Variants in DGKB observed in about 807,000 individuals in gnomAD.
DGKB encodes the protein diacylglycerol kinase beta, also known as 90 kDa diacylglycerol kinase.
In DGKB, 67 loss-of-function variants were observed where a neutral mutation model predicts 114.3. The ratio of observed to expected loss-of-function variants is 0.59; its 90% CI spans 0.48 to 0.72. The LOEUF (loss-of-function observed/expected upper bound fraction) is 0.72. Among genes scored for constraint, DGKB ranks in the 30% least tolerant of loss-of-function variants. The pLI is 0.00. For synonymous variants in DGKB, 398 were observed against 323.1 expected (o/e 1.23, Z -2.49); for missense variants, 907 against 975.2 (o/e 0.93, Z 0.93).
intron 5 of DGKB, among the ~76,000 whole-genome samples, chr7:14,730,846 G>A (rs987249600): frequency 6.6e-6 from 1 of 152,138 alleles, no homozygotes; most frequent in African/African-American, 2.4e-5. Flanking sequence ...GAGGATTTAA[G>A]TTTGCTTGAA....
intron 23 of DGKB, among the ~76,000 whole-genome samples, chr7:14,229,589 ATTAT>A (rs1791396009): frequency 6.6e-6 from 1 of 151,986 alleles, no homozygotes; most frequent in African/African-American, 2.4e-5. Flanking sequence ...TGTCTGTAGC[ATTAT>A]TTATTTGTTT....
At chr7:14,342,929 G>A (rs192398281) in intron 22 of DGKB, among the ~76,000 whole-genome samples, 4 of 151,734 alleles carry the variant, frequency 2.6e-5, no homozygotes, top group African/African-American at 9.7e-5. Context: ...TATTGCTGGA[G>A]GTTCTGTTTT....
At chr7:14,239,905 G>A (rs1016434353) in intron 23 of DGKB, among the ~76,000 whole-genome samples, 4 of 151,896 alleles carry the variant, frequency 2.6e-5, no homozygotes, top group African/African-American at 4.8e-5. Context: ...GGACTAATAC[G>A]TATCTATTTT....
At chr7:14,868,768 A>T (rs1033236496) in intron 1 of DGKB, among the ~76,000 whole-genome samples, 10 of 152,130 alleles carry the variant, frequency 6.6e-5, no homozygotes, top group African/African-American at 2.2e-4. Flanking sequence ...CTTCTTAACT[A>T]TAATGTGGGA....
At chr7:14,162,579 G>C (rs932566739) in intron 25 of DGKB, among the ~76,000 whole-genome samples, 5 of 152,096 alleles carry the variant, frequency 3.3e-5, no homozygotes, top group Non-Finnish European at 7.4e-5. Flanking sequence ...GATTATGAGA[G>C]ATATTACTAT....
At chr7:14,260,101 CACACATGA>C (rs1417733496) in intron 23 of DGKB, among the ~76,000 whole-genome samples, 78 of 45,312 alleles carry the variant, frequency 1.7e-3, no homozygotes, top group African/African-American at 0.01. Flanking sequence ...CACACACACA[CACACATGA>C]ACACACACAC....
chr7:14,342,513 T>A (rs1267267764), intron 22 of DGKB, among the ~76,000 whole-genome samples: 8 of 151,956 alleles, frequency 5.3e-5, no homozygotes, highest in Admixed American at 4.6e-4. Context: ...AGAAGATAAA[T>A]GAATATCTTT....
chr7:14,278,885 G>A (rs543460520), intron 23 of DGKB, among the ~76,000 whole-genome samples: 3 of 152,146 alleles, frequency 2.0e-5, no homozygotes, highest in South Asian at 2.1e-4. Context: ...GAGCCAAGAC[G>A]GCCGAATAGG....
In DGKB at chr7:14,621,375, T is replaced by C. The variant is rs1330967502; in HGVS notation, c.1284+3A>G. The C allele has an allele frequency of 6.3e-7, 1 of 1,586,764 alleles. No individual in the cohort carries two copies. The highest frequency in any genetic ancestry group is 8.6e-7 in the Non-Finnish European group (1 of 1,157,602). On this transcript the variant is annotated splice_donor_region_variant and intron_variant, in intron 15 of 25. Transcript: ENST00000402815. ...ACTAAAATTTTGATTTAAAAAATCA[T>C]ACCTGCAGGCCTTGTCCATCTACAG... is the stretch of plus-strand genomic sequence containing the variant.
At chr7:14,309,432 A>C (rs1299048960) in intron 23 of DGKB, among the ~76,000 whole-genome samples, 34 of 152,198 alleles carry the variant, frequency 2.2e-4, no homozygotes, top group Admixed American at 2.2e-3. Context: ...TCTGCAGCCA[A>C]AGAGCAAGGA....
intron 1 of DGKB, among the ~76,000 whole-genome samples, chr7:14,883,554 T>G (rs985774078): frequency 3.3e-5 from 5 of 151,942 alleles, no homozygotes; most frequent in Admixed American, 3.3e-4. Context: ...ATAGAGATGA[T>G]AGAGTTAGTT....
At chr7:14,539,685 G>A (rs896324201) in intron 20 of DGKB, among the ~76,000 whole-genome samples, 1 of 152,036 alleles carries the variant, frequency 6.6e-6, no homozygotes, top group Admixed American at 6.5e-5. Flanking sequence ...TCCTAGAATG[G>A]CTATTCAGTT....
intron 21 of DGKB, among the ~76,000 whole-genome samples, chr7:14,389,620 A>G (rs1005225238): frequency 6.6e-6 from 1 of 152,242 alleles, no homozygotes; most frequent in African/African-American, 2.4e-5. Flanking sequence ...TTAAAAATAA[A>G]TCACCTCTAA....
At chr7:14,546,548 C>T (rs1239819130) in intron 20 of DGKB, among the ~76,000 whole-genome samples, 6 of 152,120 alleles carry the variant, frequency 3.9e-5, no homozygotes, top group African/African-American at 1.4e-4. Context: ...GCATTTTAAA[C>T]ATCCCCCTAG....
chr7:14,716,588 AC>A (rs1828224942), intron 6 of DGKB, among the ~76,000 whole-genome samples: 1 of 151,012 alleles, frequency 6.6e-6, no homozygotes, highest in African/African-American at 2.4e-5. Flanking sequence ...AGTCTTACTG[AC>A]AATTTGTTTT....
intron 23 of DGKB, among the ~76,000 whole-genome samples, chr7:14,231,897 C>G (rs1791918641): frequency 1.3e-5 from 2 of 151,888 alleles, no homozygotes; most frequent in Non-Finnish European, 2.9e-5. Flanking sequence ...TCAAATATCC[C>G]AAAGTAATCA....
In DGKB at chr7:14,232,555, C is replaced by G. The variant is rs1481297460; in HGVS notation, c.2123-54404G>C. Among the ~76,000 whole-genome samples the G allele has an allele frequency of 2.6e-5, 4 of 151,762 alleles. No homozygotes were observed. The East Asian group carries it at 5.9e-4, about 22-fold the overall frequency. On this transcript the variant is annotated intron_variant, in intron 23 of 25. Transcript: ENST00000402815. ...ACCCTGGAGACAAAAGCAAGAGAAT[C>G]ATAAGAGTGAACCAAATGCATCTCA...
chr7:14,579,558 G>T (rs1479447032), intron 19 of DGKB, among the ~76,000 whole-genome samples: 1 of 152,058 alleles, frequency 6.6e-6, no homozygotes, highest in African/African-American at 2.4e-5. Context: ...GCAAATACAA[G>T]TATCTTATCA....
intron 13 of DGKB, among the ~76,000 whole-genome samples, chr7:14,638,984 G>A (rs2128869564): frequency 6.6e-6 from 1 of 152,278 alleles, no homozygotes; most frequent in East Asian, 1.9e-4. Context: ...GTTGCAGTGA[G>A]CTGAGATCAC....
Sources: allele counts gnomAD v4.1 joint callset (sites outside exome capture counted in the v4.1 genomes callset), GRCh38; gene constraint gnomAD v4.1.1; transcripts MANE v1.5; gene names NCBI Gene and HGNC (gene_info 2026-07-23, HGNC 2026-07-21).